Variants in CNTN3 observed in about 807,000 individuals in gnomAD.
The protein encoded by CNTN3 is contactin 3.
In CNTN3, 60 loss-of-function variants were observed where a neutral mutation model predicts 119.1. The ratio of observed to expected loss-of-function variants is 0.50; its 90% CI spans 0.41 to 0.62. The LOEUF (loss-of-function observed/expected upper bound fraction) is 0.62, where lower values mean the gene tolerates loss of function less well. CNTN3 is among the 20% of genes least tolerant of loss of function. The pLI, the probability that CNTN3 is intolerant of heterozygous loss-of-function variation, is 0.00. For missense variants in CNTN3, 1,101 were observed against 1,242.4 expected (o/e 0.89, Z 1.71); for synonymous variants, 450 against 438.7 (o/e 1.03, Z -0.32).
chr3:74,593,334 G>C (rs1162847975), intron 1 of CNTN3, among the ~76,000 whole-genome samples: 1 of 151,858 alleles, frequency 6.6e-6, no homozygotes, highest in Non-Finnish European at 1.5e-5. Flanking sequence ...TTTCTCTATT[G>C]TTTCGTAACA....
chr3:74,265,531 A>T (rs1271585932), intron 22 of CNTN3, among the ~76,000 whole-genome samples: 2 of 152,134 alleles, frequency 1.3e-5, no homozygotes, highest in Non-Finnish European at 2.9e-5. Context: ...GGTTCTGCAG[A>T]CTTTTACTTT....
intron 20 of CNTN3, among the ~76,000 whole-genome samples, chr3:74,269,250 C>T (rs1701720948): frequency 6.6e-6 from 1 of 151,916 alleles, no homozygotes; most frequent in African/African-American, 2.4e-5. Flanking sequence ...CAATAATTAG[C>T]TTGATGTGCT....
intron 13 of CNTN3, among the ~76,000 whole-genome samples, chr3:74,316,872 C>T (rs1702843182): frequency 6.6e-6 from 1 of 151,162 alleles, no homozygotes; most frequent in African/African-American, 2.4e-5. Context: ...AGCTTGCAAT[C>T]AGCCGAGACC....
At chr3:74,272,949 A>AT (rs1310394283) in intron 20 of CNTN3, among the ~76,000 whole-genome samples, 1 of 152,088 alleles carries the variant, frequency 6.6e-6, no homozygotes, top group Non-Finnish European at 1.5e-5. Context: ...GCTAGTTTCC[A>AT]TTTTTTTAAA....
intron 5 of CNTN3, among the ~76,000 whole-genome samples, chr3:74,412,538 ACTGT>A (rs1701456764): frequency 6.6e-6 from 1 of 152,146 alleles, no homozygotes; most frequent in Non-Finnish European, 1.5e-5. Context: ...CATCCCCTTG[ACTGT>A]CTCTCATATT....
chr3:74,360,912 T>C (rs2106770088), intron 11 of CNTN3, among the ~76,000 whole-genome samples: 1 of 152,292 alleles, frequency 6.6e-6, no homozygotes, highest in Non-Finnish European at 1.5e-5. Context: ...CCCACCCAGA[T>C]ACTCCAGGAT....
At chr3:74,400,106 T>C (rs1435019324) in intron 5 of CNTN3, among the ~76,000 whole-genome samples, 1 of 152,210 alleles carries the variant, frequency 6.6e-6, no homozygotes, top group Non-Finnish European at 1.5e-5. Flanking sequence ...TAGAGTTTTA[T>C]AACTGGGTTA....
At chr3:74,360,790 G>A (rs543004536) in intron 11 of CNTN3, among the ~76,000 whole-genome samples, 6 of 151,942 alleles carry the variant, frequency 3.9e-5, no homozygotes, top group African/African-American at 1.2e-4. Context: ...CACTCATCAG[G>A]GTCTTTCTCA....
intron 1 of CNTN3, among the ~76,000 whole-genome samples, chr3:74,567,537 T>C (rs1704246715): frequency 6.6e-6 from 1 of 152,060 alleles, no homozygotes; most frequent in African/African-American, 2.4e-5. Flanking sequence ...TCCTGCTGTG[T>C]GATACATACC....
At chr3:74,522,973 A>C (rs1703564692) in intron 1 of CNTN3, among the ~76,000 whole-genome samples, 1 of 151,712 alleles carries the variant, frequency 6.6e-6, no homozygotes, top group African/African-American at 2.4e-5. Flanking sequence ...TGAATAATTT[A>C]AATATACGAG....
intron 5 of CNTN3, among the ~76,000 whole-genome samples, chr3:74,374,204 C>G (rs768547414): frequency 2.4e-4 from 36 of 152,088 alleles, no homozygotes; most frequent in Non-Finnish European, 4.6e-4. Context: ...TTTTCCTCCC[C>G]ACTCTTTGTT....
chr3:74,583,791 T>C (rs926624653), intron 1 of CNTN3, among the ~76,000 whole-genome samples: 1 of 152,222 alleles, frequency 6.6e-6, no homozygotes, highest in Non-Finnish European at 1.5e-5. Context: ...AAAGACAGAA[T>C]TGCTGTGGCT....
chr3:74,571,547 G>C (rs142909526), intron 1 of CNTN3, among the ~76,000 whole-genome samples: 1 of 152,102 alleles, frequency 6.6e-6, no homozygotes, highest in African/African-American at 2.4e-5. Context: ...TGCTTTTATG[G>C]GGTGATTAGG....
chr3:74,430,231 AAAC>A (rs1416420601), intron 4 of CNTN3, among the ~76,000 whole-genome samples: 2 of 152,198 alleles, frequency 1.3e-5, no homozygotes, highest in Non-Finnish European at 2.9e-5. Flanking sequence ...CCTAAACTGG[AAAC>A]AACCCAAGTT....
At chr3:74,456,852 T>G (rs895615995) in intron 4 of CNTN3, among the ~76,000 whole-genome samples, 1 of 152,062 alleles carries the variant, frequency 6.6e-6, no homozygotes, top group East Asian at 1.9e-4. Context: ...GTTCTTTTTA[T>G]GTTGAAAGAT....
chr3:74,461,858 C>A (rs1361360590), intron 4 of CNTN3, among the ~76,000 whole-genome samples: 1 of 152,008 alleles, frequency 6.6e-6, no homozygotes, highest in East Asian at 1.9e-4. Context: ...TTTCTCAATT[C>A]TTCAACATAA....
intron 20 of CNTN3, among the ~76,000 whole-genome samples, chr3:74,269,847 G>GC (rs1701735200): frequency 6.6e-6 from 1 of 152,128 alleles, no homozygotes; most frequent in East Asian, 1.9e-4. Context: ...AATGCTGGTT[G>GC]CCAGAGGCTG....
At chr3:74,353,613 G>T (rs1053753705) in intron 11 of CNTN3, among the ~76,000 whole-genome samples, 15 of 152,112 alleles carry the variant, frequency 9.9e-5, no homozygotes, top group African/African-American at 3.4e-4. Flanking sequence ...AAAATTAGCC[G>T]GGCGTGGTGG....
At chr3:74,499,406 A>G (rs1006035911) in intron 3 of CNTN3, among the ~76,000 whole-genome samples, 3 of 151,944 alleles carry the variant, frequency 2.0e-5, no homozygotes, top group African/African-American at 7.2e-5. Context: ...TTATAAATTA[A>G]ACTGCACTAT....
Sources: gnomAD v4.1 joint callset for allele counts (sites outside exome capture counted in the v4.1 genomes callset) on GRCh38, gnomAD v4.1.1 for gene constraint, MANE v1.5 for transcripts, NCBI Gene and HGNC (gene_info 2026-07-23, HGNC 2026-07-21) for gene names.